The following LRGUK variants were observed in gnomAD, a reference collection of about 807,000 sequenced individuals.
LRGUK encodes the protein leucine-rich repeat and guanylate kinase domain-containing protein.
In LRGUK, 65 loss-of-function variants were observed where a neutral mutation model predicts 76.0. The ratio of observed to expected loss-of-function variants is 0.85; its 90% CI spans 0.70 to 1.05. The LOEUF (loss-of-function observed/expected upper bound fraction) is 1.05. Among genes scored for constraint, LRGUK ranks in the 50% least tolerant of loss-of-function variants. The pLI, the probability that LRGUK is intolerant of heterozygous loss-of-function variation, is 0.00. For synonymous variants in LRGUK, 268 were observed against 265.6 expected, an observed-to-expected ratio of 1.01 and a Z score of -0.09; for missense variants, 758 against 732.8, an observed-to-expected ratio of 1.03 and a Z score of -0.40.
intron 6 of LRGUK, among the ~76,000 whole-genome samples, chr7:134,160,904 A>G (rs1798699463): frequency 6.6e-6 from 1 of 152,224 alleles, no homozygotes. Flanking sequence ...GGAGAGATAC[A>G]TTGGTTTTTC....
At chr7:134,145,588 T>A (rs1291154519) in intron 4 of LRGUK, among the ~76,000 whole-genome samples, 2 of 152,144 alleles carry the variant, frequency 1.3e-5, no homozygotes, top group African/African-American at 4.8e-5. Flanking sequence ...CCAGTAAAGC[T>A]GTGGGGCTGT....
chr7:134,227,491 TAACC>T (rs2117167134), intron 16 of LRGUK, among the ~76,000 whole-genome samples: 1 of 152,070 alleles, frequency 6.6e-6, no homozygotes, highest in East Asian at 1.9e-4. Context: ...TAATGAAAAA[TAACC>T]AGGCACATAA....
chr7:134,178,081 T>G (rs1799558196), intron 9 of LRGUK, among the ~76,000 whole-genome samples: 1 of 152,146 alleles, frequency 6.6e-6, no homozygotes, highest in Non-Finnish European at 1.5e-5. Context: ...AGGAAAACAT[T>G]CCGCATGCAT....
exon 20 of LRGUK, chr7:134,264,031 TC>T (rs1802809462): frequency 3.9e-6 from 6 of 1,532,408 alleles, no homozygotes; most frequent in Non-Finnish European, 5.3e-6. Context: ...GATGTCGAAT[TC>T]CTTGCCTTAC....
At chr7:134,250,700 T>A (rs1473265745) in intron 18 of LRGUK, among the ~76,000 whole-genome samples, 1 of 152,200 alleles carries the variant, frequency 6.6e-6, no homozygotes, top group Non-Finnish European at 1.5e-5. Flanking sequence ...AGCATTATAA[T>A]TAGTTAATTA....
chr7:134,266,680 T>G (rs555784431), downstream of LRGUK, among the ~76,000 whole-genome samples: 1 of 152,326 alleles, frequency 6.6e-6, no homozygotes, highest in Admixed American at 6.5e-5. Context: ...GATCTAATGT[T>G]TGTGTCATTG....
At chr7:134,224,842 A>T (rs1417925447) in intron 16 of LRGUK, among the ~76,000 whole-genome samples, 1 of 151,900 alleles carries the variant, frequency 6.6e-6, no homozygotes, top group Admixed American at 6.6e-5. Flanking sequence ...CTTGAGGTCA[A>T]GAGATTGAGA....
At chr7:134,222,068 TCCC>T (rs1429159497) in intron 16 of LRGUK, 150 bp downstream of exon 16, 5 of 656,258 alleles carry the variant, frequency 7.6e-6, no homozygotes, top group African/African-American at 1.9e-5. Context: ...TCTTTGTACA[TCCC>T]TGAGAATAGA....
In LRGUK at chr7:134,248,322, AG is replaced by A. The variant is rs1317702376; in HGVS notation, c.2073-627del. Among the ~76,000 whole-genome samples the A allele has an allele frequency of 2.0e-5, 3 of 152,318 alleles. No homozygotes were observed. In the East Asian group the frequency reaches 5.8e-4, roughly 29 times the overall value. ...ATGAGTTCCAAATGGGTCATCACAA[AG>A]GCAGATAGATGCTTTGAATTTGCCT... On this transcript the variant is annotated intron_variant, in intron 17 of 19. Coordinates refer to the LRGUK transcript ENST00000285928.
chr7:134,195,775 A>G (rs1800452239), intron 12 of LRGUK, among the ~76,000 whole-genome samples: 2 of 152,230 alleles, frequency 1.3e-5, no homozygotes, highest in South Asian at 4.1e-4. Context: ...TCCAAATAAC[A>G]AAGAAAGTAT....
intron 16 of LRGUK, among the ~76,000 whole-genome samples, chr7:134,231,834 ACTTT>A (rs942028513): frequency 1.6e-5 from 2 of 122,676 alleles, no homozygotes; most frequent in Non-Finnish European, 3.3e-5. Flanking sequence ...TGCCTTCTTT[ACTTT>A]CTCTCTCCCT....
chr7:134,237,379 G>C (rs141144146), intron 16 of LRGUK, among the ~76,000 whole-genome samples: 2,135 of 152,108 alleles, frequency 0.014, 28 homozygotes, highest in Non-Finnish European at 0.021. Flanking sequence ...TAATGAATTG[G>C]CTCCCTTTTA....
chr7:134,174,473 C>A, intron 7 of LRGUK, 83 bp from the exon 8 acceptor site: 1 of 822,622 alleles, frequency 1.2e-6, no homozygotes, highest in Non-Finnish European at 2.0e-6. Context: ...ATTTAAAGGA[C>A]CCAAACTGGC....
intron 6 of LRGUK, among the ~76,000 whole-genome samples, chr7:134,162,826 CAAAAAAAA>C (rs11445116): frequency 3.3e-5 from 2 of 61,172 alleles, no homozygotes; most frequent in African/African-American, 6.6e-5. Context: ...GACTCCTTCT[CAAAAAAAA>C]AAAAAAAAAA....
intron 12 of LRGUK, among the ~76,000 whole-genome samples, chr7:134,195,983 A>G (rs1033823149): frequency 6.6e-6 from 1 of 152,078 alleles, no homozygotes; most frequent in African/African-American, 2.4e-5. Context: ...TCCCTGACAG[A>G]CAGCCCATCC....
At chr7:134,263,983 C>T in exon 20 of LRGUK, 1 of 1,602,590 alleles carries the variant, frequency 6.2e-7, no homozygotes, top group Non-Finnish European at 8.5e-7. Flanking sequence ...TAGACTAGCA[C>T]TTGATGTCTG....
chr7:134,176,957 C>T lies in LRGUK; in HGVS notation c.1021-20C>T. The T allele has an allele frequency of 6.8e-7, 1 of 1,475,232 alleles. No homozygotes were observed. Among genetic ancestry groups the T allele is most frequent in the Non-Finnish European group, 9.4e-7 (1 of 1,060,142 alleles). The allele number at this position is 1,475,232 out of a possible 1,614,324, so 91.4% of individuals were successfully genotyped here. A position where few individuals can be genotyped will look rare whatever the true frequency, so the allele number is the denominator to read the frequency against. Reference sequence around the variant, plus strand: ...GGGAAAAGGAAGGCAACTGAACAGTCCTCTTGATATTTTAAATAGGAAAAG... The same window carrying T: ...GGGAAAAGGAAGGCAACTGAACAGTTCTCTTGATATTTTAAATAGGAAAAG... On this transcript the variant is annotated intron_variant, in intron 8 of 15. Coordinates refer to ENST00000645682, the Ensembl canonical transcript of LRGUK.
chr7:134,132,458 T>C (rs1024629637), intron 1 of LRGUK, among the ~76,000 whole-genome samples: 5 of 152,160 alleles, frequency 3.3e-5, no homozygotes, highest in African/African-American at 9.7e-5. Context: ...TTGAGAGTCA[T>C]TGGAGACATT....
At chr7:134,276,383 T>C in the LRGUK span, among the ~76,000 whole-genome samples, 3 of 152,202 alleles carry the variant, frequency 2.0e-5, no homozygotes, top group Non-Finnish European at 2.9e-5. Context: ...AGCCCTTTGC[T>C]AGGAGTCTGA....
Sources: gnomAD v4.1 joint callset for allele counts (sites outside exome capture counted in the v4.1 genomes callset) on GRCh38, gnomAD v4.1.1 for gene constraint, MANE v1.5 for transcripts, NCBI Gene and HGNC (gene_info 2026-07-23, HGNC 2026-07-21) for gene names.